Variants in PRDM6 observed in about 807,000 individuals in gnomAD.
The protein encoded by PRDM6 is putative histone-lysine N-methyltransferase PRDM6.
Under a neutral mutation model 60.8 loss-of-function variants are expected in PRDM6, and 25 were observed. The observed-to-expected ratio is 0.41, with a 90% CI of 0.30 to 0.57. The LOEUF (loss-of-function observed/expected upper bound fraction) is 0.57, where lower values mean the gene tolerates loss of function less well. PRDM6 is among the 20% of genes least tolerant of loss of function. The pLI, the probability that PRDM6 is intolerant of heterozygous loss-of-function variation, is 0.27. For missense variants in PRDM6, 839 were observed against 821.3 expected (o/e 1.02, Z -0.26); for synonymous variants, 407 against 357.4 (o/e 1.14, Z -1.57).
chr5:123,155,774 C>A (rs544131361), intron 3 of PRDM6, 110 bp from the exon 4 acceptor site: 2 of 1,294,540 alleles, frequency 1.5e-6, no homozygotes, highest in East Asian at 5.1e-5. Flanking sequence ...CACTAGCAAA[C>A]CTAAGGGCAA....
intron 7 of PRDM6, among the ~76,000 whole-genome samples, chr5:123,183,646 A>G (rs981879967): frequency 6.6e-6 from 1 of 152,242 alleles, no homozygotes; most frequent in African/African-American, 2.4e-5. Context: ...CTTGGCTTTC[A>G]ATTTGCTCTA....
chr5:123,145,227 A>G (rs1186815070), intron 3 of PRDM6, among the ~76,000 whole-genome samples: 1 of 152,204 alleles, frequency 6.6e-6, no homozygotes, highest in Admixed American at 6.5e-5. Context: ...CCCATTCTAG[A>G]CAACAAATAT....
At chr5:123,154,265 A>G (rs1387394838) in intron 3 of PRDM6, among the ~76,000 whole-genome samples, 2 of 152,200 alleles carry the variant, frequency 1.3e-5, no homozygotes, top group African/African-American at 2.4e-5. Context: ...ACCCCATGCA[A>G]TGTTTCCATT....
chr5:123,184,477 G>C (rs769334717), intron 7 of PRDM6, among the ~76,000 whole-genome samples: 1 of 152,124 alleles, frequency 6.6e-6, no homozygotes, highest in African/African-American at 2.4e-5. Flanking sequence ...AAGGCACAAC[G>C]AAGCCCCTGA....
At chr5:123,181,327 A>G (rs898424839) in intron 7 of PRDM6, among the ~76,000 whole-genome samples, 7 of 152,214 alleles carry the variant, frequency 4.6e-5, no homozygotes, top group African/African-American at 1.7e-4. Flanking sequence ...ATGATGTTTC[A>G]CAGTAGCACA....
intron 3 of PRDM6, among the ~76,000 whole-genome samples, chr5:123,112,783 C>CTTTTTTTT (rs537426568): frequency 1.5e-4 from 7 of 47,506 alleles, no homozygotes; most frequent in African/African-American, 3.9e-4. Flanking sequence ...TCTAATGGCT[C>CTTTTTTTT]TTTTTTTTTT....
In PRDM6 at chr5:123,099,727, T is replaced by A; in HGVS notation, c.666T>A (p.Leu222=). The A allele has an allele frequency of 6.5e-7, 1 of 1,538,762 alleles. No homozygotes were observed. The change falls in exon 3 of 8, where the codon CTT becomes CTA. Residue 222 remains leucine, a synonymous_variant. Transcript: ENST00000407847. The surrounding 1 kb of genome is among the most constrained non-coding windows in gnomAD (Gnocchi z 4.0). ...GGCCACTGCACTCGCTGCGCCGGCT[T>A]GTGGGCACCAGCAGCGCTGCGGCCG... The part of the protein sequence containing the change: ...MHGPLHSLRR[L]VGTSSAAAAA...
rs1302122911 is a variant in PRDM6 at position 123,187,256 on chromosome 5, A to G, written c.*55A>G. Reference sequence around the variant, plus strand: ...GGAAAGTCATGATTAAATGTCACGGACACTTAAGCAAAACCAAAGATTTCC... The same window carrying G: ...GGAAAGTCATGATTAAATGTCACGGGCACTTAAGCAAAACCAAAGATTTCC... On this transcript the variant is annotated 3_prime_UTR_variant, in exon 8 of 8. Transcript: ENST00000407847. The G allele has an allele frequency of 2.2e-6, 3 of 1,375,860 alleles. No homozygotes were observed. In the East Asian group the frequency reaches 7.6e-5, roughly 35 times the overall value. The allele number at this position is 1,375,860 out of a possible 1,614,324, so 85.2% of individuals were successfully genotyped here. A position where few individuals can be genotyped will look rare whatever the true frequency, so the allele number is the denominator to read the frequency against.
At chr5:123,138,831 G>A (rs545055909) in intron 3 of PRDM6, among the ~76,000 whole-genome samples, 1 of 152,284 alleles carries the variant, frequency 6.6e-6, no homozygotes, top group Non-Finnish European at 1.5e-5. Context: ...CCCTTCCTTA[G>A]CCTTGTTAAG....
chr5:123,188,915 G>A lies in PRDM6; in HGVS notation c.*1714G>A, dbSNP rs949780719. 11 of 151,974 alleles carry A rather than the reference G, an allele frequency of 7.2e-5. No individual in the cohort carries two copies. The highest frequency in any genetic ancestry group is 2.1e-4 in the South Asian group (1 of 4,816). The allele number at this position is 151,974 out of a possible 1,614,324, so 9.4% of individuals were successfully genotyped here. ...GTGTTTACAGTTATTATTTATATAC[G>A]TATATATACATATATACACATAATA... is the stretch of plus-strand genomic sequence containing the variant. On this transcript the variant is annotated 3_prime_UTR_variant, in exon 8 of 8. Coordinates refer to ENST00000407847, the MANE Select transcript of PRDM6 (RefSeq NM_001136239.4).
chr5:123,090,127 G>C lies in PRDM6; in HGVS notation c.113G>C (p.Ser38Thr). The C allele has an allele frequency of 6.5e-7, 1 of 1,539,756 alleles. No homozygotes were observed. The highest frequency in any genetic ancestry group is 8.8e-7 in the Non-Finnish European group (1 of 1,142,722). ...GGAGGCGCAGGCCCGCTCAAGGGCA[G>C]CGGCGCCGCGGGTCTCCTGAGCGCG... ...PHGGAGPLKGSGAAGLLSAPQ... is the reference protein window; with the variant it reads ...PHGGAGPLKGTGAAGLLSAPQ... The change falls in exon 2 of 8, where the codon AGC becomes ACC. Residue 38 changes from serine (S) to threonine (T), a missense_variant. Physicochemically the swap from Ser to Thr is moderately conservative, Grantham distance 58. Coordinates refer to ENST00000407847, the MANE Select transcript of PRDM6 (RefSeq NM_001136239.4).
At chr5:123,171,453 T>C (rs892152758) in intron 6 of PRDM6, among the ~76,000 whole-genome samples, 2 of 152,256 alleles carry the variant, frequency 1.3e-5, no homozygotes, top group African/African-American at 4.8e-5. Context: ...TATAGCTGGC[T>C]GCTCTGCTGC....
At chr5:123,133,208 T>G (rs1286214734) in intron 3 of PRDM6, among the ~76,000 whole-genome samples, 1 of 152,136 alleles carries the variant, frequency 6.6e-6, no homozygotes, top group Admixed American at 6.5e-5. Context: ...AATCTCCTTT[T>G]CCATTTAAAA....
intron 7 of PRDM6, among the ~76,000 whole-genome samples, chr5:123,182,399 G>A (rs1766185360): frequency 6.6e-6 from 1 of 152,208 alleles, no homozygotes; most frequent in Admixed American, 6.5e-5. Flanking sequence ...TATTAGAAAG[G>A]GCAGCCAGAC....
intron 7 of PRDM6, among the ~76,000 whole-genome samples, chr5:123,185,427 A>G (rs1766264320): frequency 6.6e-6 from 1 of 152,124 alleles, no homozygotes. Context: ...GCAGTTCGCT[A>G]ACGTGTCATC....
At chr5:123,092,486 C>T (rs1411365855) in intron 2 of PRDM6, among the ~76,000 whole-genome samples, 1 of 152,112 alleles carries the variant, frequency 6.6e-6, no homozygotes, top group Non-Finnish European at 1.5e-5. Context: ...CCAGAGAAAA[C>T]AGACTAATTC....
At chr5:123,163,613 T>A (rs1765683148) in intron 5 of PRDM6, among the ~76,000 whole-genome samples, 1 of 152,188 alleles carries the variant, frequency 6.6e-6, no homozygotes, top group South Asian at 2.1e-4. Context: ...CCATCCACTG[T>A]GGGCCTTTCA....
intron 3 of PRDM6, among the ~76,000 whole-genome samples, chr5:123,154,949 G>A (rs935184968): frequency 2.6e-5 from 4 of 152,088 alleles, no homozygotes; most frequent in South Asian, 2.1e-4. Flanking sequence ...ATACATGACC[G>A]CCTCATCTCC....
At chr5:123,180,914 A>C (rs375125971) in intron 7 of PRDM6, among the ~76,000 whole-genome samples, 9 of 152,256 alleles carry the variant, frequency 5.9e-5, no homozygotes, top group African/African-American at 9.6e-5. Context: ...CCAAACCCAG[A>C]GTACATTGAC....
Sources: gnomAD v4.1 joint callset for allele counts (sites outside exome capture counted in the v4.1 genomes callset) on GRCh38, gnomAD v4.1.1 for gene constraint, Gnocchi (gnomAD v3.1) non-coding constraint, MANE v1.5 for transcripts, NCBI Gene and HGNC (gene_info 2026-07-23, HGNC 2026-07-21) for gene names.